Variants in KATNAL2 observed in about 807,000 individuals in gnomAD.
KATNAL2 encodes the protein katanin catalytic subunit A1 like 2, also known as katanin p60 ATPase-containing subunit A-like 2.
In KATNAL2, 52 loss-of-function variants were observed where a neutral mutation model predicts 76.3. That is an observed-to-expected ratio of 0.68 (90% CI 0.55 to 0.86). KATNAL2 has a LOEUF of 0.86. Ranked by LOEUF, KATNAL2 falls within the 40% of genes least tolerant of loss-of-function variation. The probability of loss-of-function intolerance (pLI) is 0.00; values close to 1 mark genes in which losing one functional copy is unlikely to be tolerated. For missense variants in KATNAL2, 660 were observed against 668.9 expected (o/e 0.99, Z 0.15); for synonymous variants, 243 against 244.2 (o/e 1.00, Z 0.05).
rs1401650492 is a variant in KATNAL2 at position 46,934,356 on chromosome 18, G to A, written c.-509-11701G>A. 3.9e-5 allele frequency among the ~76,000 whole-genome samples: 6 copies of A among 152,180 alleles called. No individual in the cohort carries two copies. The East Asian group carries it at 1.2e-3, about 29-fold the overall frequency. ...ATCGCCATTCTAACTGGTGCGAGAT[G>A]GTATCTCATTGTGGTTTTGATTTGC... On this transcript the variant is annotated intron_variant, in intron 1 of 17. Transcript: ENST00000683218.
intron 1 of KATNAL2, among the ~76,000 whole-genome samples, chr18:46,921,158 C>T (rs558493589): frequency 2.2e-4 from 34 of 152,260 alleles, no homozygotes; most frequent in African/African-American, 7.0e-4. Flanking sequence ...GACGGAGTCT[C>T]GCTCTGTTGC....
At chr18:47,084,956 C>A (rs946306537) in intron 15 of KATNAL2, among the ~76,000 whole-genome samples, 1 of 151,724 alleles carries the variant, frequency 6.6e-6, no homozygotes, top group Non-Finnish European at 1.5e-5. Context: ...CCGTCTCCCT[C>A]CCCTTCAGAT....
In KATNAL2 at chr18:47,102,132, C is replaced by T. The variant is rs2063448185; in HGVS notation, c.*1127C>T. On this transcript the variant is annotated 3_prime_UTR_variant, in exon 18 of 18. Coordinates refer to ENST00000683218, the MANE Select transcript of KATNAL2 (RefSeq NM_001387690.1). ...AAAACCAAAGCATTTTTTTCGGTAT[C>T]GATTATTTTGAGATTATTCTCAAAT... The T allele has an allele frequency of 6.6e-6, 1 of 152,026 alleles. No individual in the cohort carries two copies. The highest frequency in any genetic ancestry group is 6.5e-5 in the Admixed American group (1 of 15,270). The allele number at this position is 152,026 out of a possible 1,614,324, so 9.4% of individuals were successfully genotyped here.
At chr18:47,082,657 A>T (rs956499225) in intron 15 of KATNAL2, among the ~76,000 whole-genome samples, 3 of 152,140 alleles carry the variant, frequency 2.0e-5, no homozygotes, top group African/African-American at 7.2e-5. Context: ...TTTTGTGTGT[A>T]TAATAATTTA....
At position 46,946,297 on chromosome 18, in the gene KATNAL2, A is replaced by G; in HGVS notation, c.-269A>G. The G allele has an allele frequency of 9.4e-7, 1 of 1,061,594 alleles. No individual in the cohort carries two copies. The highest frequency in any genetic ancestry group is 1.1e-6 in the Non-Finnish European group (1 of 872,978). 65.8% of individuals were successfully genotyped at this position (1,061,594 alleles called of 1,614,324 possible). ...ACAGGTCTGATGTGAAAGGAATTGGAGGAGAAGGGGAAGTTTGGTGATGCA... is the reference window on the plus strand; with the variant it reads ...ACAGGTCTGATGTGAAAGGAATTGGGGGAGAAGGGGAAGTTTGGTGATGCA... On this transcript the variant is annotated 5_prime_UTR_variant, in exon 2 of 18. Transcript: ENST00000683218.
At chr18:47,038,821 T>C (rs965601704) in intron 3 of KATNAL2, among the ~76,000 whole-genome samples, 1 of 152,208 alleles carries the variant, frequency 6.6e-6, no homozygotes, top group African/African-American at 2.4e-5. Context: ...TTGCAAATTA[T>C]TATAAAACCC....
At chr18:47,034,281 C>A (rs1438742854) in intron 3 of KATNAL2, 1 of 1,613,718 alleles carries the variant, frequency 6.2e-7, no homozygotes, top group Non-Finnish European at 8.5e-7. Context: ...GGCCGTGTGT[C>A]CCATTTCCTG....
chr18:46,921,898 C>G (rs1232122759), intron 1 of KATNAL2, among the ~76,000 whole-genome samples: 1 of 152,074 alleles, frequency 6.6e-6, no homozygotes, highest in East Asian at 1.9e-4. Flanking sequence ...TTCCTTCCCA[C>G]TGATTACTTC....
At chr18:47,076,814 T>C (rs189854939) in intron 14 of KATNAL2, among the ~76,000 whole-genome samples, 11,026 of 133,728 alleles carry the variant, frequency 0.082, 457 homozygotes, top group East Asian at 0.13. Context: ...TATATATATA[T>C]ACACATATAT....
rs764843536 is a variant in KATNAL2, at chr18:47,077,443, C to G, written c.1193C>G (p.Ala398Gly). ...ARSEDLVFVLAASNLPWELDC... is the reference protein window; with the variant it reads ...ARSEDLVFVLGASNLPWELDC... ...TCAGAAGATCTCGTATTTGTCTTAG[C>G]AGCTTCTAACCTGCCGTGGTAAGAG... Residue 398 changes from alanine to glycine, a missense_variant, in exon 15 of 18, where the codon GCA (alanine) becomes GGA (glycine). Transcript: ENST00000683218. 1.8e-5 allele frequency: 29 copies of G among 1,613,062 alleles called. No homozygotes were observed. The highest frequency in any genetic ancestry group is 7.7e-5 in the South Asian group (7 of 91,050).
chr18:46,938,380 G>T lies in KATNAL2; in HGVS notation c.-509-7677G>T, dbSNP rs538653689. Among the ~76,000 whole-genome samples, 4 of 152,204 alleles carry T rather than the reference G, an allele frequency of 2.6e-5. No homozygotes were observed. In the East Asian group the frequency reaches 7.7e-4, roughly 29 times the overall value. The stretch of plus-strand genomic sequence containing the variant: ...ATAGGATCTGTAAAGGCTATTTTGG[G>T]TATTCCACTATACTTAACACAGTTT... On this transcript the variant is annotated intron_variant, in intron 1 of 17. Transcript: ENST00000683218.
chr18:46,957,528 A>G (rs1378699264), intron 3 of KATNAL2, among the ~76,000 whole-genome samples: 24 of 141,856 alleles, frequency 1.7e-4, no homozygotes, highest in Non-Finnish European at 2.9e-4. Flanking sequence ...TGCTGGGATT[A>G]CAGGCGTGAA....
At chr18:47,031,609 T>C (rs567964538) in intron 3 of KATNAL2, among the ~76,000 whole-genome samples, 114 of 152,274 alleles carry the variant, frequency 7.5e-4, no homozygotes, top group African/African-American at 2.6e-3. Context: ...TCCAGGAGAA[T>C]CGTAGTGTAA....
At chr18:46,949,799 C>G (rs1029554912) in intron 3 of KATNAL2, among the ~76,000 whole-genome samples, 2 of 152,144 alleles carry the variant, frequency 1.3e-5, no homozygotes, top group African/African-American at 4.8e-5. Context: ...ACCTCCTGAT[C>G]TAAACCTCCA....
chr18:47,069,586 GA>G lies in KATNAL2; in HGVS notation c.999del (p.Lys333AsnfsTer26). The G allele has an allele frequency of 6.2e-7, 1 of 1,611,244 alleles. No individual in the cohort carries two copies. The highest frequency in any genetic ancestry group is 8.5e-7 in the Non-Finnish European group (1 of 1,178,026). ...TGTCAGCAAATGGAGAGGGGATTCA[GA>G]AAAACTCGTTCGGGTAGGAATTCTT... The part of the protein sequence containing the change: ...TIVSKWRGDS[E>X]KLVRVLFELA... On this transcript the variant is annotated frameshift_variant, in exon 13 of 18. Coordinates refer to ENST00000683218, the MANE Select transcript of KATNAL2 (RefSeq NM_001387690.1). LOFTEE classifies it high-confidence loss of function.
At chr18:46,926,418 G>C (rs2058731257) in intron 1 of KATNAL2, among the ~76,000 whole-genome samples, 2 of 152,128 alleles carry the variant, frequency 1.3e-5, no homozygotes, top group South Asian at 4.1e-4. Flanking sequence ...TTAATCCTGA[G>C]TTCTAGTTTG....
At position 46,917,677 on chromosome 18, in the gene KATNAL2, G is replaced by C; in HGVS notation, c.-759G>C. 1 of 536,002 alleles carries C rather than the reference G, an allele frequency of 1.9e-6. No homozygotes were observed. The highest frequency in any genetic ancestry group is 2.1e-5 in the African/African-American group (1 of 48,716). The allele number at this position is 536,002 out of a possible 1,614,324, so 33.2% of individuals were successfully genotyped here. On this transcript the variant is annotated 5_prime_UTR_variant, in exon 1 of 18. Transcript: ENST00000683218. ...GCGGCTTGGCCCCGCTCGGCCCCAG[G>C]TCGTGCCTTCCCTCCCCGGCGGAGG...
chr18:47,100,900 A>G lies in KATNAL2; in HGVS notation c.1512A>G (p.Ile504Met). 1.2e-6 allele frequency: 2 copies of G among 1,614,184 alleles called. No individual in the cohort carries two copies. The highest frequency in any genetic ancestry group is 1.7e-6 in the Non-Finnish European group (2 of 1,180,032). ...ACTTACCCAGGATCCAGTTGGATAT[A>G]GTAACCACTGCCGACTTTCTGGATG... The part of the protein sequence containing the change: ...SSDLPRIQLD[I>M]VTTADFLDVL... The change falls in exon 18 of 18, where the codon ATA becomes ATG. Residue 504 changes from isoleucine to methionine, a missense_variant. Coordinates refer to ENST00000683218, the MANE Select transcript of KATNAL2 (RefSeq NM_001387690.1).
intron 3 of KATNAL2, among the ~76,000 whole-genome samples, chr18:47,041,058 T>A (rs1838966618): frequency 6.6e-6 from 1 of 152,220 alleles, no homozygotes; most frequent in South Asian, 2.1e-4. Flanking sequence ...AAATAGAATT[T>A]ATTTTTTAGC....
Sources: gnomAD v4.1 joint callset for allele counts (sites outside exome capture counted in the v4.1 genomes callset) on GRCh38, gnomAD v4.1.1 for gene constraint, MANE v1.5 for transcripts, NCBI Gene and HGNC (gene_info 2026-07-23, HGNC 2026-07-21) for gene names.